Variants in XKR6 observed in about 807,000 individuals in gnomAD.
XKR6 encodes XK-related protein 6.
A neutral mutation model predicts 56.7 loss-of-function variants in XKR6; 22 were observed. The observed-to-expected ratio is 0.39, with a 90% CI of 0.28 to 0.55. XKR6 has a LOEUF of 0.55. Among genes scored for constraint, XKR6 ranks in the 20% least tolerant of loss-of-function variants. XKR6 has a pLI of 0.66. For missense variants in XKR6, 852 were observed against 889.0 expected (o/e 0.96, Z 0.53); for synonymous variants, 524 against 387.8 (o/e 1.35, Z -4.13).
In XKR6 at chr8:11,102,849, C is replaced by T. The variant is rs148879856; in HGVS notation, c.764+97727G>A. ...GCATTTGGAGGATTTTCACCCCATCCTTGGACACTTCCCTTCCATCACTGC... is the reference window on the plus strand; with the variant it reads ...GCATTTGGAGGATTTTCACCCCATCTTTGGACACTTCCCTTCCATCACTGC... On this transcript the variant is annotated intron_variant, in intron 1 of 2. Transcript: ENST00000416569. Among the ~76,000 whole-genome samples the T allele has an allele frequency of 6.6e-5, 10 of 152,342 alleles. No homozygotes were observed. In the East Asian group the frequency reaches 1.9e-3, roughly 29 times the overall value.
chr8:11,083,594 G>A (rs1259720955), intron 1 of XKR6, among the ~76,000 whole-genome samples: 1 of 152,206 alleles, frequency 6.6e-6, no homozygotes. Context: ...TGGGGGGCCT[G>A]GGGATGCTTC....
At chr8:10,902,402 G>T (rs977912072) in intron 2 of XKR6, among the ~76,000 whole-genome samples, 1 of 152,172 alleles carries the variant, frequency 6.6e-6, no homozygotes, top group Non-Finnish European at 1.5e-5. Context: ...GAGGTGCAGG[G>T]GCTTGGGTGG....
chr8:10,976,995 A>G (rs960730263), intron 1 of XKR6, among the ~76,000 whole-genome samples: 1 of 151,930 alleles, frequency 6.6e-6, no homozygotes, highest in Non-Finnish European at 1.5e-5. Flanking sequence ...TCCCACCACA[A>G]CACCGAGGCC....
At chr8:11,155,854 A>G (rs1801493409) in intron 1 of XKR6, among the ~76,000 whole-genome samples, 1 of 152,212 alleles carries the variant, frequency 6.6e-6, no homozygotes, top group South Asian at 2.1e-4. Flanking sequence ...TTTTCAGGAT[A>G]AAGCTGATCA....
chr8:10,950,427 C>T (rs370871683), intron 1 of XKR6, among the ~76,000 whole-genome samples: 1 of 152,200 alleles, frequency 6.6e-6, no homozygotes, highest in African/African-American at 2.4e-5. Flanking sequence ...TGGCAGAGAT[C>T]ACGGGTCCAG....
Position 10,994,221 on chromosome 8 carries a change from C to G in XKR6, c.765-69391G>C, listed in dbSNP as rs537751928. ...AAACCCTGGAGAAATTGCCACCAATCTGAATCCACCCTGAGCTTTTCGTGC... is the reference window on the plus strand; with the variant it reads ...AAACCCTGGAGAAATTGCCACCAATGTGAATCCACCCTGAGCTTTTCGTGC... On this transcript the variant is annotated intron_variant, in intron 1 of 2. Transcript: ENST00000416569. 7.2e-5 allele frequency among the ~76,000 whole-genome samples: 11 copies of G among 152,360 alleles called. No individual in the cohort carries two copies. The South Asian group carries it at 1.7e-3, about 23-fold the overall frequency.
chr8:10,984,484 AAAAG>A (rs1285674481), intron 1 of XKR6, among the ~76,000 whole-genome samples: 3 of 152,214 alleles, frequency 2.0e-5, no homozygotes, highest in South Asian at 2.1e-4. Flanking sequence ...AGTGGTGGGA[AAAAG>A]AAAGAAAGAA....
chr8:10,953,903 T>C (rs540758060), intron 1 of XKR6, among the ~76,000 whole-genome samples: 1 of 152,370 alleles, frequency 6.6e-6, no homozygotes, highest in East Asian at 1.9e-4. Flanking sequence ...TTCATACAAA[T>C]GGAATCATGC....
chr8:10,983,153 A>G (rs1479286823), intron 1 of XKR6, among the ~76,000 whole-genome samples: 1 of 152,244 alleles, frequency 6.6e-6, no homozygotes, highest in East Asian at 1.9e-4. Flanking sequence ...ATAAAAGAGC[A>G]AAATTAAAAT....
intron 1 of XKR6, among the ~76,000 whole-genome samples, chr8:11,041,939 A>G (rs1799296800): frequency 6.6e-6 from 1 of 152,226 alleles, no homozygotes; most frequent in Non-Finnish European, 1.5e-5. Context: ...ACACATGTAT[A>G]CACACCCACA....
chr8:11,011,814 G>T (rs1437392784), intron 1 of XKR6, among the ~76,000 whole-genome samples: 3 of 152,202 alleles, frequency 2.0e-5, no homozygotes, highest in Non-Finnish European at 4.4e-5. Flanking sequence ...ATTGAGCTAA[G>T]AGCTGGGACT....
chr8:10,900,216 G>C (rs1245195358), intron 2 of XKR6, among the ~76,000 whole-genome samples: 2 of 152,172 alleles, frequency 1.3e-5, no homozygotes, highest in African/African-American at 2.4e-5. Flanking sequence ...AGGTTACCCA[G>C]TGATTTTCTC....
At chr8:11,038,697 GC>G (rs2129154947) in intron 1 of XKR6, among the ~76,000 whole-genome samples, 2 of 152,116 alleles carry the variant, frequency 1.3e-5, no homozygotes, top group South Asian at 4.2e-4. Flanking sequence ...ACCACGCCTG[GC>G]TAATTTTTTT....
chr8:11,139,412 C>T (rs780881300), intron 1 of XKR6, among the ~76,000 whole-genome samples: 6 of 152,076 alleles, frequency 3.9e-5, no homozygotes, highest in Non-Finnish European at 7.4e-5. Flanking sequence ...CATGGGCTCT[C>T]GGGAAGGCAG....
Position 11,001,203 on chromosome 8 carries a change from G to A in XKR6, c.765-76373C>T, listed in dbSNP as rs560129576. 1.5e-3 allele frequency among the ~76,000 whole-genome samples: 232 copies of A among 152,296 alleles called. 3 individuals carry two copies. Among genetic ancestry groups the A allele is most frequent in the African/African-American group, 5.4e-3 (223 of 41,550 alleles). On this transcript the variant is annotated intron_variant, in intron 1 of 2. Transcript: ENST00000416569. ...CCTACTCAACCACAACTCAGTGAAG[G>A]AAGAACTCCCCTTCCGATGGAGAAA... is the stretch of plus-strand genomic sequence containing the variant.
chr8:11,195,290 T>G (rs1193983793), intron 1 of XKR6: 4 of 637,724 alleles, frequency 6.3e-6, no homozygotes, highest in Admixed American at 2.6e-5. Context: ...ACACCTTTCA[T>G]TCTTTTAGCA....
chr8:10,944,436 G>T (rs1416452111), intron 1 of XKR6, among the ~76,000 whole-genome samples: 1 of 152,140 alleles, frequency 6.6e-6, no homozygotes, highest in Non-Finnish European at 1.5e-5. Context: ...AGAAGGCAAG[G>T]GTTGGACCCA....
At chr8:11,118,238 G>A (rs1362394216) in intron 1 of XKR6, among the ~76,000 whole-genome samples, 1 of 32,140 alleles carries the variant, frequency 3.1e-5, no homozygotes, top group Non-Finnish European at 5.7e-5. Context: ...CTGTCAAGGG[G>A]AAGCTGGTTT....
intron 1 of XKR6, among the ~76,000 whole-genome samples, chr8:11,069,810 G>A (rs576264718): frequency 1.3e-5 from 2 of 152,180 alleles, no homozygotes; most frequent in South Asian, 4.1e-4. Context: ...TGTAGCATGC[G>A]GCGTGGCCCA....
Sources: allele counts gnomAD v4.1 joint callset (sites outside exome capture counted in the v4.1 genomes callset), GRCh38; gene constraint gnomAD v4.1.1; transcripts MANE v1.5; gene names NCBI Gene and HGNC (gene_info 2026-07-23, HGNC 2026-07-21).